Variants in IMMP2L observed in about 807,000 individuals in gnomAD.
IMMP2L encodes inner mitochondrial membrane peptidase subunit 2.
In IMMP2L, 18 loss-of-function variants were observed where a neutral mutation model predicts 19.3. That is an observed-to-expected ratio of 0.93 (90% CI 0.64 to 1.38). IMMP2L has a LOEUF of 1.38. IMMP2L is among the 40% of genes most tolerant of loss of function. IMMP2L has a pLI of 0.00. For synonymous variants in IMMP2L, 76 were observed against 73.0 expected (o/e 1.04, Z -0.21); for missense variants, 233 against 218.2 (o/e 1.07, Z -0.43).
chr7:111,283,216 T>C (rs1008886068), intron 3 of IMMP2L, among the ~76,000 whole-genome samples: 6 of 151,968 alleles, frequency 3.9e-5, no homozygotes, highest in Admixed American at 1.3e-4. Context: ...ATGTAACCAA[T>C]GGGTCAAAGA....
chr7:110,743,521 T>C (rs1797126171), intron 5 of IMMP2L, among the ~76,000 whole-genome samples: 1 of 149,342 alleles, frequency 6.7e-6, no homozygotes, highest in Admixed American at 6.6e-5. Context: ...GCAACAGCTC[T>C]AGTCTGTAGT....
Position 110,824,557 on chromosome 7 carries a change from G to A in IMMP2L, c.408+62036C>T, listed in dbSNP as rs532829455. Among the ~76,000 whole-genome samples, 7 of 152,012 alleles carry A rather than the reference G, an allele frequency of 4.6e-5. No homozygotes were observed. The South Asian group carries it at 6.2e-4, about 14-fold the overall frequency. The stretch of plus-strand genomic sequence containing the variant: ...ATTATTTTTTAATTTTGGTAAAGAT[G>A]GGTTCTCCCTATGTTGCCCAGGCTG... On this transcript the variant is annotated intron_variant, in intron 5 of 5. Coordinates refer to ENST00000405709, the MANE Select transcript of IMMP2L (RefSeq NM_032549.4).
intron 3 of IMMP2L, among the ~76,000 whole-genome samples, chr7:111,475,777 G>A (rs535531649): frequency 7.5e-4 from 114 of 152,100 alleles, no homozygotes; most frequent in Non-Finnish European, 1.3e-3. Flanking sequence ...TCTGTAAAAC[G>A]TCTACCTGCC....
rs1005391179 is a variant in IMMP2L at position 110,742,790 on chromosome 7, T to G, written c.409-79069A>C. Among the ~76,000 whole-genome samples the G allele has an allele frequency of 1.0e-4, 15 of 149,512 alleles. 1 individual carries two copies. In the East Asian group the frequency reaches 1.2e-3, roughly 12 times the overall value. ...TCTCAAAAAAAAAAAAAAAAAAAAT[T>G]TATACTTTCAGAGACTATTTGCTGA... On this transcript the variant is annotated intron_variant, in intron 5 of 5. Transcript: ENST00000405709.
At chr7:111,133,964 T>C (rs1802087347) in intron 3 of IMMP2L, among the ~76,000 whole-genome samples, 5 of 152,044 alleles carry the variant, frequency 3.3e-5, no homozygotes, top group Admixed American at 3.3e-4. Flanking sequence ...ATGGCCAAAA[T>C]GTCACTCCAG....
chr7:111,204,314 T>C (rs1054274219), intron 3 of IMMP2L, among the ~76,000 whole-genome samples: 1 of 152,116 alleles, frequency 6.6e-6, no homozygotes, highest in Non-Finnish European at 1.5e-5. Context: ...TAAATTACAA[T>C]ATGAACTACA....
At chr7:111,313,684 C>T (rs940005120) in intron 3 of IMMP2L, among the ~76,000 whole-genome samples, 3 of 151,890 alleles carry the variant, frequency 2.0e-5, no homozygotes, top group Admixed American at 6.6e-5. Context: ...TTTTTACTCT[C>T]GTCAGGAAAT....
rs562588849 is a variant in IMMP2L, at chr7:110,742,488, G to A, written c.409-78767C>T. On this transcript the variant is annotated intron_variant, in intron 5 of 5. Coordinates refer to ENST00000405709, the MANE Select transcript of IMMP2L (RefSeq NM_032549.4). ...ACTATTAAAAATTATACTTTCAACC[G>A]CTGGGCATGGTGGCTCACACTTGTA... Among the ~76,000 whole-genome samples, 4 of 152,204 alleles carry A rather than the reference G, an allele frequency of 2.6e-5. No homozygotes were observed. In the East Asian group the frequency reaches 5.8e-4, roughly 22 times the overall value.
In IMMP2L at chr7:111,526,410, T is replaced by A. The variant is rs1340788700; in HGVS notation, c.-2-4961A>T. 6.6e-5 allele frequency among the ~76,000 whole-genome samples: 10 copies of A among 152,324 alleles called. No homozygotes were observed. The East Asian group carries it at 1.9e-3, about 29-fold the overall frequency. The stretch of plus-strand genomic sequence containing the variant: ...GAAAGCAGCATCAAAATGCTAGCAG[T>A]GGTTAATTCTATATGCTAGGAATGG... On this transcript the variant is annotated intron_variant, in intron 1 of 5. Transcript: ENST00000405709.
At chr7:111,201,977 G>C (rs1810187897) in intron 3 of IMMP2L, among the ~76,000 whole-genome samples, 2 of 152,100 alleles carry the variant, frequency 1.3e-5, no homozygotes, top group African/African-American at 4.8e-5. Context: ...TTGTTTTTAA[G>C]CTACCCAGTG....
At chr7:110,967,241 C>T (rs1819632693) in intron 3 of IMMP2L, among the ~76,000 whole-genome samples, 1 of 151,930 alleles carries the variant, frequency 6.6e-6, no homozygotes, top group Admixed American at 6.6e-5. Context: ...AATTTCCAGT[C>T]TCTGTCACTA....
chr7:111,241,197 A>G (rs1009553531), intron 3 of IMMP2L, among the ~76,000 whole-genome samples: 1 of 152,010 alleles, frequency 6.6e-6, no homozygotes, highest in Non-Finnish European at 1.5e-5. Context: ...AAGATTACAT[A>G]TATTTAAAGC....
At chr7:111,548,112 T>C (rs1307797310) in intron 1 of IMMP2L, among the ~76,000 whole-genome samples, 2 of 152,032 alleles carry the variant, frequency 1.3e-5, no homozygotes, top group East Asian at 3.9e-4. Flanking sequence ...GCCTGGGTAG[T>C]GAGAAACCAG....
intron 3 of IMMP2L, among the ~76,000 whole-genome samples, chr7:111,383,639 T>A (rs542448634): frequency 3.9e-5 from 6 of 152,236 alleles, no homozygotes; most frequent in African/African-American, 1.4e-4. Context: ...TACATTTTTA[T>A]AAATAATGCA....
intron 3 of IMMP2L, among the ~76,000 whole-genome samples, chr7:111,437,985 A>G (rs1274570409): frequency 1.3e-5 from 2 of 151,854 alleles, no homozygotes; most frequent in Non-Finnish European, 1.5e-5. Context: ...CTAGGCATGC[A>G]TGCCAGGAAA....
intron 3 of IMMP2L, among the ~76,000 whole-genome samples, chr7:111,385,277 T>C (rs550134184): frequency 1.3e-5 from 2 of 152,254 alleles, no homozygotes; most frequent in African/African-American, 4.8e-5. Flanking sequence ...TAACCTGAAC[T>C]ATTAACCAAA....
intron 3 of IMMP2L, among the ~76,000 whole-genome samples, chr7:111,484,536 T>C (rs1487603184): frequency 1.3e-5 from 2 of 152,208 alleles, no homozygotes. Flanking sequence ...TCGAACATTT[T>C]AATATACACT....
chr7:110,983,387 C>G (rs1217708308), intron 3 of IMMP2L, among the ~76,000 whole-genome samples: 1 of 151,960 alleles, frequency 6.6e-6, no homozygotes, highest in Non-Finnish European at 1.5e-5. Flanking sequence ...ATAAACATTG[C>G]TTCTGTAATG....
At chr7:110,778,149 G>T (rs1433456876) in intron 5 of IMMP2L, among the ~76,000 whole-genome samples, 2 of 151,916 alleles carry the variant, frequency 1.3e-5, no homozygotes, top group African/African-American at 4.8e-5. Flanking sequence ...GTTTTCCAGT[G>T]AAGAAATCTA....
Sources: allele counts gnomAD v4.1 joint callset (sites outside exome capture counted in the v4.1 genomes callset), GRCh38; gene constraint gnomAD v4.1.1; transcripts MANE v1.5; gene names NCBI Gene and HGNC (gene_info 2026-07-23, HGNC 2026-07-21).